The following TIAM1 variants were observed in gnomAD, a reference collection of about 807,000 sequenced individuals.
The protein encoded by TIAM1 is TIAM Rac1 associated GEF 1, also known as rho guanine nucleotide exchange factor TIAM1.
A neutral mutation model predicts 163.5 loss-of-function variants in TIAM1; 65 were observed. That is an observed-to-expected ratio of 0.40 (90% confidence interval 0.33 to 0.49). The LOEUF (loss-of-function observed/expected upper bound fraction) is 0.49, where lower values mean the gene tolerates loss of function less well. TIAM1 is among the 20% of genes least tolerant of loss of function. The probability of loss-of-function intolerance (pLI) is 0.77; values close to 1 mark genes in which losing one functional copy is unlikely to be tolerated. For missense variants in TIAM1, 1,789 were observed against 2,044.7 expected (o/e 0.87, Z 2.41); for synonymous variants, 833 against 810.1 (o/e 1.03, Z -0.48).
intron 22 of TIAM1, among the ~76,000 whole-genome samples, chr21:31,140,124 C>T (rs184375886): frequency 1.3e-5 from 2 of 152,098 alleles, no homozygotes; most frequent in Non-Finnish European, 1.5e-5. Flanking sequence ...CCTTTAACAG[C>T]CTGAAAACTT....
chr21:31,469,883 G>A (rs2045676664), intron 1 of TIAM1, among the ~76,000 whole-genome samples: 1 of 152,098 alleles, frequency 6.6e-6, no homozygotes, highest in South Asian at 2.1e-4. Context: ...GCCCTCAATG[G>A]AGAGGGAAGA....
At chr21:31,508,197 G>A (rs969785214) in intron 1 of TIAM1, among the ~76,000 whole-genome samples, 3 of 150,118 alleles carry the variant, frequency 2.0e-5, no homozygotes, top group Non-Finnish European at 2.9e-5. Context: ...CGTGGACTTC[G>A]AGCCTCCTGA....
intron 13 of TIAM1, among the ~76,000 whole-genome samples, chr21:31,193,731 A>G (rs1204760021): frequency 6.6e-6 from 1 of 152,234 alleles, no homozygotes; most frequent in Non-Finnish European, 1.5e-5. Flanking sequence ...AACAAAAAGC[A>G]GCCTGTAAAA....
chr21:31,558,151 G>A (rs1230716045), intron 1 of TIAM1, among the ~76,000 whole-genome samples: 1 of 146,692 alleles, frequency 6.8e-6, no homozygotes, highest in East Asian at 2.0e-4. Context: ...GGCCCCACGC[G>A]GGTCCCCAGC....
chr21:31,230,452 C>T (rs1466173239), intron 6 of TIAM1, among the ~76,000 whole-genome samples: 2 of 151,854 alleles, frequency 1.3e-5, no homozygotes, highest in Non-Finnish European at 2.9e-5. Context: ...TTTAATATGA[C>T]ATACTGATCC....
intron 2 of TIAM1, among the ~76,000 whole-genome samples, chr21:31,414,994 AG>A (rs540720483): frequency 6.8e-4 from 104 of 152,334 alleles, no homozygotes; most frequent in Non-Finnish European, 1.1e-3. Context: ...CCTAGGAGGC[AG>A]GAAGTCACAG....
At chr21:31,521,278 A>C (rs191870226) in intron 1 of TIAM1, among the ~76,000 whole-genome samples, 83 of 152,326 alleles carry the variant, frequency 5.4e-4, no homozygotes, top group Admixed American at 2.4e-3. Context: ...GGAAGGCTTC[A>C]TTTAAATTAG....
intron 2 of TIAM1, among the ~76,000 whole-genome samples, chr21:31,313,102 A>G (rs1005744732): frequency 1.3e-5 from 2 of 152,228 alleles, no homozygotes; most frequent in Non-Finnish European, 2.9e-5. Flanking sequence ...CGACAAGCCC[A>G]AACATTCTTC....
At chr21:31,301,224 C>T (rs1458593561) in intron 2 of TIAM1, among the ~76,000 whole-genome samples, 1 of 152,170 alleles carries the variant, frequency 6.6e-6, no homozygotes, top group Non-Finnish European at 1.5e-5. Flanking sequence ...AGGATCCAGA[C>T]CACAACAAGG....
At chr21:31,262,370 C>G (rs1480961226) in intron 4 of TIAM1, among the ~76,000 whole-genome samples, 1 of 152,174 alleles carries the variant, frequency 6.6e-6, no homozygotes, top group Non-Finnish European at 1.5e-5. Context: ...AAAGTTCAGG[C>G]CCAAAGACGA....
At chr21:31,208,287 C>G (rs2086557274) in intron 11 of TIAM1, among the ~76,000 whole-genome samples, 1 of 152,158 alleles carries the variant, frequency 6.6e-6, no homozygotes. Flanking sequence ...CAGTTTAAAG[C>G]CAATGTGCAC....
intron 12 of TIAM1, among the ~76,000 whole-genome samples, chr21:31,199,105 T>A (rs1023706203): frequency 6.6e-6 from 1 of 152,158 alleles, no homozygotes; most frequent in African/African-American, 2.4e-5. Flanking sequence ...AAAAACTGGA[T>A]GAGAAGATCA....
Position 31,458,998 on chromosome 21 carries a change from G to A in TIAM1, c.-369+4985C>T, listed in dbSNP as rs552046927. 3.9e-5 allele frequency among the ~76,000 whole-genome samples: 6 copies of A among 152,344 alleles called. No homozygotes were observed. The East Asian group carries it at 1.2e-3, about 29-fold the overall frequency. ...AATGAGGAGGACAGGAGGTGAGAGA[G>A]AGGCGGGGCCAAATCCCTTGAGGCC... On this transcript the variant is annotated intron_variant, in intron 2 of 28. Coordinates refer to the TIAM1 transcript ENST00000286827.
At chr21:31,174,361 C>G (rs982445234) in intron 15 of TIAM1, among the ~76,000 whole-genome samples, 8 of 152,254 alleles carry the variant, frequency 5.3e-5, no homozygotes, top group Non-Finnish European at 7.3e-5. Context: ...GAGGCCTTTC[C>G]TGTTCAACAA....
chr21:31,374,999 G>T (rs1290237378), intron 2 of TIAM1, among the ~76,000 whole-genome samples: 1 of 152,156 alleles, frequency 6.6e-6, no homozygotes, highest in Non-Finnish European at 1.5e-5. Context: ...CAGAGAAAGG[G>T]TGAAATTTCT....
At chr21:31,339,999 G>A (rs2075967234) in intron 1 of TIAM1, among the ~76,000 whole-genome samples, 1 of 152,002 alleles carries the variant, frequency 6.6e-6, no homozygotes, top group African/African-American at 2.4e-5. Context: ...GCCAGACCAG[G>A]TGCAGCTAGT....
chr21:31,153,163 T>G (rs772378012), intron 17 of TIAM1, 29 bp from the exon 18 acceptor site: 1 of 1,563,358 alleles, frequency 6.4e-7, no homozygotes, highest in South Asian at 1.2e-5. Context: ...ACTCATTAGC[T>G]TATGTGTTTT....
At chr21:31,495,624 C>T (rs533363515) in intron 1 of TIAM1, among the ~76,000 whole-genome samples, 10 of 152,290 alleles carry the variant, frequency 6.6e-5, no homozygotes, top group African/African-American at 2.4e-4. Flanking sequence ...ATGCACTGCA[C>T]GATGACATTT....
chr21:31,219,511 C>T (rs1019788240), intron 8 of TIAM1, among the ~76,000 whole-genome samples: 2 of 152,150 alleles, frequency 1.3e-5, no homozygotes, highest in African/African-American at 4.8e-5. Flanking sequence ...CAGCAGTCAG[C>T]GTGTTGGTTG....
Sources: gnomAD v4.1 joint callset for allele counts (sites outside exome capture counted in the v4.1 genomes callset) on GRCh38, gnomAD v4.1.1 for gene constraint, MANE v1.5 for transcripts, NCBI Gene and HGNC (gene_info 2026-07-23, HGNC 2026-07-21) for gene names.